The following TTN variants were observed in gnomAD, a reference collection of about 807,000 sequenced individuals.
TTN encodes the protein titin.
TTN carries 1,525 observed loss-of-function variants against 3,223.0 expected under a neutral mutation model. The ratio of observed to expected loss-of-function variants is 0.47; its 90% CI spans 0.45 to 0.49. TTN has a LOEUF of 0.49. TTN is among the 20% of genes least tolerant of loss of function. The pLI is 0.00. For missense variants in TTN, 40,786 were observed against 43,424.0 expected, an observed-to-expected ratio of 0.94 and a Z score of 5.40; for synonymous variants, 14,094 against 15,161.0, an observed-to-expected ratio of 0.93 and a Z score of 5.17.
In TTN at chr2:178,689,605, A is replaced by G. The variant is rs1199994798; in HGVS notation, c.31847-10T>C. On this transcript the variant is annotated splice_polypyrimidine_tract_variant and intron_variant, in intron 122 of 362. Coordinates refer to ENST00000589042, the MANE Select transcript of TTN (RefSeq NM_001267550.2). ...TTCTGTACTTCAGGAACTTGAAGAG[A>G]CATTTTTAGAATTGACTTTATATTT... 6.3e-7 allele frequency: 1 copy of G among 1,586,360 alleles called. No individual in the cohort carries two copies. The highest frequency in any genetic ancestry group is 2.2e-5 in the East Asian group (1 of 44,744).
intron 41 of TTN, among the ~76,000 whole-genome samples, chr2:178,765,706 G>C (rs1043566333): frequency 2.0e-5 from 3 of 152,164 alleles, no homozygotes; most frequent in Non-Finnish European, 4.4e-5. Flanking sequence ...GAATAGGAAG[G>C]GAGGTTCCAT....
At chr2:178,700,033 A>T (rs912617241) in intron 111 of TTN, among the ~76,000 whole-genome samples, 6 of 152,222 alleles carry the variant, frequency 3.9e-5, no homozygotes, top group African/African-American at 1.4e-4. Flanking sequence ...AATTTTTAAA[A>T]CATTATTTAA....
intron 278 of TTN, among the ~76,000 whole-genome samples, chr2:178,606,752 C>T (rs1054681948): frequency 6.6e-6 from 1 of 151,912 alleles, no homozygotes; most frequent in Non-Finnish European, 1.5e-5. Context: ...GTCTAAACTA[C>T]TTCTAGGTTA....
At position 178,532,291 on chromosome 2, in the gene TTN, C is replaced by T. The variant is rs750453650; in HGVS notation, c.104324G>A (p.Arg34775His). Reference protein sequence around the residue: ...MAEREDEELLRPVTTTQHLSE... With the variant: ...MAEREDEELLHPVTTTQHLSE... ...GAGATGCTGGGTGGTCGTAACTGGGCGAAGCAACTCTTCATCCTCCCTCTC... is the reference window on the plus strand; with the variant it reads ...GAGATGCTGGGTGGTCGTAACTGGGTGAAGCAACTCTTCATCCTCCCTCTC... The change falls in exon 358 of 363, where the codon CGC becomes CAC. Residue 34775 changes from arginine (R) to histidine (H), a missense_variant. By Grantham distance (29) the Arg-to-His change is conservative. Transcript: ENST00000589042. The T allele has an allele frequency of 1.6e-5, 26 of 1,613,798 alleles. No homozygotes were observed. In the African/African-American group the frequency reaches 1.7e-4, roughly 11 times the overall value.
rs536343341 is a variant in TTN at position 178,652,731 on chromosome 2, C to T, written c.38965G>A (p.Glu12989Lys). 3.1e-6 allele frequency: 5 copies of T among 1,612,806 alleles called. No individual in the cohort carries two copies. The Admixed American group carries it at 5.0e-5, about 16-fold the overall frequency. ...TCAGGAACAACCTCTTTGGGAGCCT[C>T]TGGTACTTAAAAGATATTAGTGAAA... ...KPEVPPVKVP[E>K]APKEVVPEKK... Residue 12989 changes from glutamate (E) to lysine (K), a missense_variant, in exon 201 of 363, where the codon GAG (glutamate) becomes AAG (lysine). By Grantham distance (56) the Glu-to-Lys change is moderately conservative (BLOSUM62 1). Coordinates refer to ENST00000589042, the MANE Select transcript of TTN (RefSeq NM_001267550.2).
At position 178,632,593 on chromosome 2, in the gene TTN, A is replaced by G. The variant is rs1365676770; in HGVS notation, c.43413T>C (p.Phe14471=). 1.2e-6 allele frequency: 2 copies of G among 1,613,330 alleles called. No homozygotes were observed. The highest frequency in any genetic ancestry group is 4.5e-5 in the East Asian group (2 of 44,804). ...KHSMVIKSAA[F]EDEAKYMFEA... is the part of the protein sequence containing the mutation. The stretch of plus-strand genomic sequence containing the variant: ...CAAACATGTATTTTGCTTCATCTTC[A>G]AAAGCAGCTGACTTGATCACCATTG... Residue 14471 remains phenylalanine (F), a synonymous_variant, in exon 235 of 363, where the codon TTT becomes TTC. Transcript: ENST00000589042.
In TTN at chr2:178,593,077, G is replaced by T. The variant is rs776257317; in HGVS notation, c.59042C>A (p.Pro19681Gln). 1.2e-6 allele frequency: 2 copies of T among 1,611,192 alleles called. No homozygotes were observed. The highest frequency in any genetic ancestry group is 2.7e-5 in the African/African-American group (2 of 74,624). Reference sequence around the variant, plus strand: ...TGCTTCAGGATTAACAGGTGGACTTGGTTTAGCTAAAAAATAAAAGTAAAA... The same window carrying T: ...TGCTTCAGGATTAACAGGTGGACTTTGTTTAGCTAAAAAATAAAAGTAAAA... The part of the protein sequence containing the change: ...PVFAKDPIAK[P>Q]SPPVNPEAID... Residue 19681 changes from proline (P) to glutamine (Q), a missense_variant, in exon 300 of 363, where the codon CCA becomes CAA. Transcript: ENST00000589042.
At position 178,689,673 on chromosome 2, in the gene TTN, CG is replaced by C; in HGVS notation, c.31847-79del. On this transcript the variant is annotated intron_variant, in intron 122 of 362. Transcript: ENST00000589042. ...CAGTTATTTTTTTTAAGAAAGCAGA[CG>C]GGTGGACAGACACTTTTGTTCAGTT... 7 of 1,458,284 alleles carry C rather than the reference CG, an allele frequency of 4.8e-6. No individual in the cohort carries two copies. The South Asian group carries it at 9.2e-5, about 19-fold the overall frequency. 90.3% of individuals were successfully genotyped at this position (1,458,284 alleles called of 1,614,324 possible).
At position 178,667,732 on chromosome 2, in the gene TTN, A is replaced by G; in HGVS notation, c.35546-11T>C. The G allele has an allele frequency of 1.3e-6, 2 of 1,517,670 alleles. No homozygotes were observed. Among genetic ancestry groups the G allele is most frequent in the Admixed American group, 1.8e-5 (1 of 55,948 alleles). The allele number at this position is 1,517,670 out of a possible 1,614,324, so 94.0% of individuals were successfully genotyped here. A position where few individuals can be genotyped will look rare whatever the true frequency, so the allele number is the denominator to read the frequency against. ...CAGATGCTTCATAAACTTTAAAGATATTAGTATTTAAATAATTAGGATGTT... is the reference window on the plus strand; with the variant it reads ...CAGATGCTTCATAAACTTTAAAGATGTTAGTATTTAAATAATTAGGATGTT... On this transcript the variant is annotated splice_polypyrimidine_tract_variant and intron_variant, in intron 159 of 362. Transcript: ENST00000589042.
intron 1 of TTN, among the ~76,000 whole-genome samples, chr2:178,804,999 G>T (rs1212274077): frequency 6.6e-6 from 1 of 152,204 alleles, no homozygotes; most frequent in Non-Finnish European, 1.5e-5. Context: ...CCACAGCAAT[G>T]CAGGGTTAGT....
rs746565627 is a variant in TTN, at chr2:178,727,338, G to A, written c.20027C>T (p.Ser6676Phe). The A allele has an allele frequency of 1.4e-5, 23 of 1,606,846 alleles. No individual in the cohort carries two copies. Among genetic ancestry groups the A allele is most frequent in the Non-Finnish European group, 1.9e-5 (22 of 1,176,220 alleles). ...PPKFVKKLEA[S>F]KIVKAGDSSR... ...AGAGTCACCTGCTTTCACAATTTTG[G>A]AGGCTTCTAATTTCTTTACAAACTT... Residue 6676 changes from serine to phenylalanine, a missense_variant, in exon 69 of 363, where the codon TCC becomes TTC. Ser to Phe is a radical substitution (Grantham distance 155). Coordinates refer to ENST00000589042, the MANE Select transcript of TTN (RefSeq NM_001267550.2).
chr2:178,583,511 CT>C, intron 312 of TTN, 95 bp downstream of exon 312: 1 of 1,268,812 alleles, frequency 7.9e-7, no homozygotes, highest in Non-Finnish European at 1.0e-6. Context: ...TTTAATTTTC[CT>C]TTTTTCCTTA....
In TTN at chr2:178,534,537, A is replaced by G. The variant is rs774398198; in HGVS notation, c.102078T>C (p.Asn34026=). The G allele has an allele frequency of 8.1e-6, 13 of 1,613,744 alleles. No homozygotes were observed. Among genetic ancestry groups the G allele is most frequent in the Non-Finnish European group, 1.1e-5 (13 of 1,179,814 alleles). The part of the protein sequence containing the change: ...LAETNQQIIE[N]IMNAEYTFDE... Reference sequence around the variant, plus strand: ...CGAAAGTATATTCAGCATTCATGATATTCTCAATGATCTGTTGGTTAGTTT... The same window carrying G: ...CGAAAGTATATTCAGCATTCATGATGTTCTCAATGATCTGTTGGTTAGTTT... The change falls in exon 358 of 363, where the codon AAT becomes AAC. Residue 34026 remains asparagine, a synonymous_variant. Coordinates refer to ENST00000589042, the MANE Select transcript of TTN (RefSeq NM_001267550.2).
chr2:178,693,883 C>T lies in TTN; in HGVS notation c.31513+39G>A, dbSNP rs574514139. The T allele has an allele frequency of 2.5e-6, 4 of 1,572,434 alleles. No homozygotes were observed. In the East Asian group the frequency reaches 9.0e-5, roughly 35 times the overall value. Reference sequence around the variant, plus strand: ...AGAGGGATAAAAATCTGCCTAAAACCCTTCCATTTGAGCCCCCACATTCCA... The same window carrying T: ...AGAGGGATAAAAATCTGCCTAAAACTCTTCCATTTGAGCCCCCACATTCCA... On this transcript the variant is annotated intron_variant, in intron 118 of 362. Transcript: ENST00000589042.
chr2:178,575,099 T>G lies in TTN; in HGVS notation c.71033A>C (p.Gln23678Pro). The change falls in exon 326 of 363, where the codon CAG (glutamine) becomes CCG (proline). Residue 23678 changes from glutamine to proline, a missense_variant. By Grantham distance (76) the Gln-to-Pro change is moderately conservative. Coordinates refer to ENST00000589042, the MANE Select transcript of TTN (RefSeq NM_001267550.2). The surrounding 1 kb of genome is among the most constrained non-coding windows in gnomAD (Gnocchi z 4.0). Reference sequence around the variant, plus strand: ...CGCTGTGGTTTCAAAATTAACTCTCTGTGTCTGTTTAAGAATTTGGTCTCC... The same window carrying G: ...CGCTGTGGTTTCAAAATTAACTCTCGGTGTCTGTTTAAGAATTTGGTCTCC... The part of the protein sequence containing the change: ...KKGDQILKQT[Q>P]RVNFETTATS... 1 of 1,613,304 alleles carries G rather than the reference T, an allele frequency of 6.2e-7. No homozygotes were observed. The highest frequency in any genetic ancestry group is 8.5e-7 in the Non-Finnish European group (1 of 1,179,562).
At chr2:178,748,561 G>A in intron 47 of TTN, 1 of 1,613,000 alleles carries the variant, frequency 6.2e-7, no homozygotes. Context: ...CAAATACAAT[G>A]TTCTCAGTGT....
intron 231 of TTN, 23 bp downstream of exon 231, chr2:178,633,794 T>C: frequency 6.2e-7 from 1 of 1,609,604 alleles, no homozygotes; most frequent in Non-Finnish European, 8.5e-7. Flanking sequence ...ACTGGCTATC[T>C]GGTTATACTT....
Position 178,718,146 on chromosome 2 carries a change from A to G in TTN, c.24860T>C (p.Val8287Ala), listed in dbSNP as rs2077779717. ...IGEPATLQCK[V>A]DGTPEIRISW... is the part of the protein sequence containing the mutation. ...AATTCTAATTTCTGGAGTTCCATCC[A>G]CTTTACACTGTAAAGTTGCAGGTTC... The change falls in exon 86 of 363, where the codon GTG becomes GCG. Residue 8287 changes from valine (V) to alanine (A), a missense_variant. Physicochemically the swap from Val to Ala is moderately conservative, Grantham distance 64. Coordinates refer to ENST00000589042, the MANE Select transcript of TTN (RefSeq NM_001267550.2). 1 of 1,608,336 alleles carries G rather than the reference A, an allele frequency of 6.2e-7. No individual in the cohort carries two copies. Among genetic ancestry groups the G allele is most frequent in the Non-Finnish European group, 8.5e-7 (1 of 1,179,666 alleles).
At position 178,537,232 on chromosome 2, in the gene TTN, T is replaced by C; in HGVS notation, c.99877A>G (p.Lys33293Glu). 6.3e-7 allele frequency: 1 copy of C among 1,597,004 alleles called. No homozygotes were observed. The highest frequency in any genetic ancestry group is 8.6e-7 in the Non-Finnish European group (1 of 1,169,084). ...TCGATCACAATTGGTCCTGTAGGTT[T>C]GTCTGGTTTATCTGTTGGGGGAAAA... Reference protein sequence around the residue: ...LDVEIQDKPDKPTGPIVIEAL... With the variant: ...LDVEIQDKPDEPTGPIVIEAL... Residue 33293 changes from lysine to glutamate, a missense_variant, in exon 356 of 363, where the codon AAA becomes GAA. By Grantham distance (56) the Lys-to-Glu change is moderately conservative. Transcript: ENST00000589042.
Sources: gnomAD v4.1 joint callset for allele counts (sites outside exome capture counted in the v4.1 genomes callset) on GRCh38, gnomAD v4.1.1 for gene constraint, Gnocchi (gnomAD v3.1) non-coding constraint, MANE v1.5 for transcripts, NCBI Gene and HGNC (gene_info 2026-07-23, HGNC 2026-07-21) for gene names.